Variants in SEMA3D observed in about 807,000 individuals in gnomAD.
The protein encoded by SEMA3D is semaphorin 3D, also known as semaphorin-3D.
Under a neutral mutation model 100.1 loss-of-function variants are expected in SEMA3D, and 84 were observed. That is an observed-to-expected ratio of 0.84 (90% CI 0.70 to 1.01). The LOEUF (loss-of-function observed/expected upper bound fraction) is 1.01. SEMA3D is among the 50% of genes least tolerant of loss of function. The probability of loss-of-function intolerance (pLI) is 0.00; values close to 1 mark genes in which losing one functional copy is unlikely to be tolerated. For synonymous variants in SEMA3D, 312 were observed against 320.7 expected, an observed-to-expected ratio of 0.97 and a Z score of 0.29; for missense variants, 875 against 934.1, an observed-to-expected ratio of 0.94 and a Z score of 0.82.
At chr7:85,069,279 CTTTG>C (rs1341745295) in intron 6 of SEMA3D, among the ~76,000 whole-genome samples, 1 of 152,100 alleles carries the variant, frequency 6.6e-6, no homozygotes, top group Non-Finnish European at 1.5e-5. Flanking sequence ...CACTTCAGAT[CTTTG>C]TTTTTCTTTT....
chr7:85,151,618 TG>T, intron 2 of SEMA3D: 1 of 975,796 alleles, frequency 1.0e-6, no homozygotes, highest in Non-Finnish European at 1.2e-6. Flanking sequence ...TGTGTGTGTG[TG>T]TGTGTGTGTG....
chr7:85,059,916 C>T (rs954405908), intron 8 of SEMA3D, among the ~76,000 whole-genome samples: 3 of 152,106 alleles, frequency 2.0e-5, no homozygotes, highest in Non-Finnish European at 1.5e-5. Flanking sequence ...AAAACATCAT[C>T]CAAGTGTTGA....
rs200811279 is a variant in SEMA3D at position 85,096,147 on chromosome 7, AT to A, written c.312+1657del. Among the ~76,000 whole-genome samples the A allele has an allele frequency of 3.8e-4, 58 of 152,054 alleles. No homozygotes were observed. The South Asian group carries it at 8.3e-3, about 22-fold the overall frequency. Reference sequence around the variant, plus strand: ...AAGCAAAATTGCAAAGTTAGCTAAGATTTTTTTCCTTGGCCACTTTCATAAA... The same window carrying A: ...AAGCAAAATTGCAAAGTTAGCTAAGATTTTTTCCTTGGCCACTTTCATAAA... On this transcript the variant is annotated intron_variant, in intron 4 of 18. Coordinates refer to ENST00000284136, the MANE Select transcript of SEMA3D (RefSeq NM_001384900.1).
chr7:85,212,357 C>A, the SEMA3D span, among the ~76,000 whole-genome samples: 1 of 152,076 alleles, frequency 6.6e-6, no homozygotes, highest in Non-Finnish European at 1.5e-5. Context: ...TGCGGACATG[C>A]CATATTTTAG....
chr7:85,168,848 A>T lies in SEMA3D; in HGVS notation c.-172-15109T>A, dbSNP rs796360030. 7.8e-5 allele frequency among the ~76,000 whole-genome samples: 9 copies of T among 115,494 alleles called. No individual in the cohort carries two copies. The East Asian group carries it at 2.7e-3, about 34-fold the overall frequency. 75.8% of individuals were successfully genotyped at this position (115,494 alleles called of 152,430 possible). ...AAGAAAGAAAGAAAGAAAGAAAGAA[A>T]GAAAGAAAGAAAGAAAGAAAGAAAG... On this transcript the variant is annotated intron_variant, in intron 1 of 18. Coordinates refer to ENST00000284136, the MANE Select transcript of SEMA3D (RefSeq NM_001384900.1).
the SEMA3D span, among the ~76,000 whole-genome samples, chr7:85,236,858 T>C: frequency 2.6e-5 from 4 of 152,178 alleles, no homozygotes; most frequent in Admixed American, 2.0e-4. Flanking sequence ...AGGCACAGGA[T>C]GCTAGAGCTA....
intron 8 of SEMA3D, among the ~76,000 whole-genome samples, chr7:85,056,890 CATATAT>C (rs10525654): frequency 0.018 from 2,539 of 138,558 alleles, 82 homozygotes; most frequent in African/African-American, 0.063. Context: ...ACATATACAG[CATATAT>C]ATATATATAT....
At chr7:85,105,381 C>G (rs1240965975) in intron 3 of SEMA3D, among the ~76,000 whole-genome samples, 1 of 152,034 alleles carries the variant, frequency 6.6e-6, no homozygotes, top group African/African-American at 2.4e-5. Flanking sequence ...CTCATCTTAA[C>G]TTGGCATCAG....
At chr7:85,215,755 T>G in the SEMA3D span, among the ~76,000 whole-genome samples, 3 of 152,148 alleles carry the variant, frequency 2.0e-5, no homozygotes, top group Non-Finnish European at 4.4e-5. Context: ...ACACTTTTTA[T>G]GAAAAACATA....
At chr7:85,088,968 A>G (rs752080660) in intron 4 of SEMA3D, among the ~76,000 whole-genome samples, 6 of 152,034 alleles carry the variant, frequency 3.9e-5, no homozygotes, top group Admixed American at 6.6e-5. Context: ...CTTCTACTAC[A>G]CTTTTGCTTA....
intron 1 of SEMA3D, among the ~76,000 whole-genome samples, chr7:85,177,382 T>G (rs529067228): frequency 6.6e-6 from 1 of 152,190 alleles, no homozygotes; most frequent in Admixed American, 6.6e-5. Context: ...CATATAACAT[T>G]TGTTGGAGAG....
chr7:85,190,473 G>T (rs1395769276), upstream of SEMA3D, among the ~76,000 whole-genome samples: 1 of 152,082 alleles, frequency 6.6e-6, no homozygotes, highest in Non-Finnish European at 1.5e-5. Context: ...GAACAAGTGA[G>T]TGCATGAGTT....
At chr7:85,236,751 T>G in the SEMA3D span, among the ~76,000 whole-genome samples, 1 of 152,142 alleles carries the variant, frequency 6.6e-6, no homozygotes, top group Non-Finnish European at 1.5e-5. Flanking sequence ...AAATATTTGG[T>G]GTTTTAAATA....
rs1021580194 is a variant in SEMA3D at position 85,050,676 on chromosome 7, A to G, written c.861+5041T>C. 9.9e-5 allele frequency: 45 copies of G among 454,610 alleles called. No homozygotes were observed. In the Middle Eastern group the frequency reaches 1.5e-3, roughly 15 times the overall value. 28.2% of individuals were successfully genotyped at this position (454,610 alleles called of 1,614,324 possible). A position where few individuals can be genotyped will look rare whatever the true frequency, so the allele number is the denominator to read the frequency against. On this transcript the variant is annotated intron_variant, in intron 9 of 18. Transcript: ENST00000284136. ...TTGCATTGTTCAAATCATTTATGCA[A>G]CTTTCTCCAAATACAGCTCCAAATT... is the stretch of plus-strand genomic sequence containing the variant.
the SEMA3D span, among the ~76,000 whole-genome samples, chr7:85,213,187 T>C: frequency 2.0e-5 from 3 of 151,980 alleles, no homozygotes; most frequent in Non-Finnish European, 4.4e-5. Flanking sequence ...TCTCACTACC[T>C]ATTTTATCAG....
Position 85,042,270 on chromosome 7 carries a change from G to T in SEMA3D, c.877C>A (p.Gln293Lys). Residue 293 changes from glutamine (Q) to lysine (K), a missense_variant, in exon 10 of 19, where the codon CAA becomes AAA. Transcript: ENST00000284136. The stretch of plus-strand genomic sequence containing the variant: ...GTCCACTTGTTTATCAGGCTGCGTT[G>T]TCCTCCTACATCATTCTGACATGAA... ...GRVCKNDVGG[Q>K]RSLINKWTTF... is the part of the protein sequence containing the mutation. 1 of 1,608,240 alleles carries T rather than the reference G, an allele frequency of 6.2e-7. No individual in the cohort carries two copies. Among genetic ancestry groups the T allele is most frequent in the South Asian group, 1.1e-5 (1 of 90,936 alleles).
chr7:85,210,528 C>T, the SEMA3D span, among the ~76,000 whole-genome samples: 1 of 151,930 alleles, frequency 6.6e-6, no homozygotes, highest in African/African-American at 2.4e-5. Context: ...AGAGTCAAAG[C>T]ATAGGTCTGA....
In SEMA3D at chr7:85,116,343, T is replaced by C. The variant is rs1162412217; in HGVS notation, c.151+5398A>G. Among the ~76,000 whole-genome samples, 5 of 146,666 alleles carry C rather than the reference T, an allele frequency of 3.4e-5. No individual in the cohort carries two copies. The East Asian group carries it at 5.9e-4, about 17-fold the overall frequency. On this transcript the variant is annotated intron_variant, in intron 3 of 18. Transcript: ENST00000284136. Reference sequence around the variant, plus strand: ...ATTTATATAAATGTATATATTTATGTATATTTATATATTATAATATATTTA... The same window carrying C: ...ATTTATATAAATGTATATATTTATGCATATTTATATATTATAATATATTTA...
the SEMA3D span, among the ~76,000 whole-genome samples, chr7:85,204,018 A>G: frequency 6.6e-6 from 1 of 152,116 alleles, no homozygotes; most frequent in African/African-American, 2.4e-5. Flanking sequence ...AGTATGAGAA[A>G]TATTTAAAAA....
Sources: gnomAD v4.1 joint callset for allele counts (sites outside exome capture counted in the v4.1 genomes callset) on GRCh38, gnomAD v4.1.1 for gene constraint, MANE v1.5 for transcripts, NCBI Gene and HGNC (gene_info 2026-07-23, HGNC 2026-07-21) for gene names.